The following PAQR8 variants were observed in gnomAD, a reference collection of about 807,000 sequenced individuals.
PAQR8 encodes progestin and adipoQ receptor family member 8, also known as membrane progestin receptor beta.
Under a neutral mutation model 25.2 loss-of-function variants are expected in PAQR8, and 17 were observed. That is an observed-to-expected ratio of 0.67 (90% confidence interval 0.46 to 1.01). PAQR8 has a LOEUF of 1.01. Among genes scored for constraint, PAQR8 ranks in the 50% least tolerant of loss-of-function variants. The pLI is 0.00. For synonymous variants in PAQR8, 204 were observed against 190.6 expected (o/e 1.07, Z -0.58); for missense variants, 392 against 448.4 (o/e 0.87, Z 1.14).
At chr6:52,394,924 C>T (rs1373232252) in intron 1 of PAQR8, among the ~76,000 whole-genome samples, 5 of 150,970 alleles carry the variant, frequency 3.3e-5, no homozygotes, top group African/African-American at 1.2e-4. Flanking sequence ...CCATTTTTCT[C>T]TTTCCATTAA....
intron 1 of PAQR8, among the ~76,000 whole-genome samples, chr6:52,396,255 G>C (rs998392137): frequency 6.6e-6 from 1 of 152,186 alleles, no homozygotes; most frequent in Non-Finnish European, 1.5e-5. Context: ...GTTAAGAAAA[G>C]CTTCCTGGTG....
intron 1 of PAQR8, among the ~76,000 whole-genome samples, chr6:52,379,812 A>G (rs1763536689): frequency 6.6e-6 from 1 of 151,944 alleles, no homozygotes; most frequent in Non-Finnish European, 1.5e-5. Flanking sequence ...TATTTTTAGT[A>G]CAGATGGGGT....
chr6:52,391,917 G>T (rs1271594985), intron 1 of PAQR8, among the ~76,000 whole-genome samples: 1 of 152,150 alleles, frequency 6.6e-6, no homozygotes, highest in African/African-American at 2.4e-5. Flanking sequence ...GATGTCACAG[G>T]ATCTGTTTGT....
At chr6:52,367,700 C>T (rs549606660) in intron 1 of PAQR8, among the ~76,000 whole-genome samples, 4 of 152,180 alleles carry the variant, frequency 2.6e-5, no homozygotes, top group Non-Finnish European at 5.9e-5. Context: ...AGATCAACCA[C>T]GCAAACAGGA....
intron 1 of PAQR8, among the ~76,000 whole-genome samples, chr6:52,374,198 CT>C (rs1763454959): frequency 6.6e-6 from 1 of 152,206 alleles, no homozygotes; most frequent in African/African-American, 2.4e-5. Context: ...AACCTCTTTG[CT>C]TTGTAAATTA....
intron 1 of PAQR8, among the ~76,000 whole-genome samples, chr6:52,388,726 A>G (rs1357410855): frequency 1.3e-5 from 2 of 152,182 alleles, no homozygotes; most frequent in Non-Finnish European, 2.9e-5. Context: ...TCTGTTGTTT[A>G]TAAGCCACCT....
intron 1 of PAQR8, among the ~76,000 whole-genome samples, chr6:52,395,195 C>T (rs1763753034): frequency 6.6e-6 from 1 of 150,720 alleles, no homozygotes; most frequent in African/African-American, 2.4e-5. Context: ...ATTGCTTGAA[C>T]CCGGGAGGCG....
Position 52,405,073 on chromosome 6 carries a change from A to G in PAQR8, c.*795A>G, listed in dbSNP as rs1763892209. Reference sequence around the variant, plus strand: ...GGAGGCCCAGCCAATAAGCATAGATACTATATGGTATCATGGGACCCATCT... The same window carrying G: ...GGAGGCCCAGCCAATAAGCATAGATGCTATATGGTATCATGGGACCCATCT... On this transcript the variant is annotated 3_prime_UTR_variant, in exon 2 of 2. Coordinates refer to ENST00000442253, the MANE Select transcript of PAQR8 (RefSeq NM_133367.5). The G allele has an allele frequency of 6.0e-6, 1 of 167,168 alleles. No individual in the cohort carries two copies. Among genetic ancestry groups the G allele is most frequent in the African/African-American group, 2.4e-5 (1 of 41,454 alleles). The allele number at this position is 167,168 out of a possible 1,614,324, so 10.4% of individuals were successfully genotyped here. A position where few individuals can be genotyped will look rare whatever the true frequency, so the allele number is the denominator to read the frequency against.
At position 52,362,854 on chromosome 6, in the gene PAQR8, G is replaced by T. The variant is rs1220708544; in HGVS notation, c.-53+605G>T. Among the ~76,000 whole-genome samples, 1 of 152,160 alleles carries T rather than the reference G, an allele frequency of 6.6e-6. No individual in the cohort carries two copies. Among genetic ancestry groups the T allele is most frequent in the African/African-American group, 2.4e-5 (1 of 41,428 alleles). On this transcript the variant is annotated intron_variant, in intron 1 of 1. Transcript: ENST00000442253. The surrounding 1 kb of genome is among the most constrained non-coding windows in gnomAD (Gnocchi z 4.1). The stretch of plus-strand genomic sequence containing the variant: ...AGGGTGGGTCTAGGCATGTGCTTTC[G>T]CCGGGGAAAGATGGAGGGGGCTTCT...
At chr6:52,381,327 G>C (rs1763557445) in intron 1 of PAQR8, among the ~76,000 whole-genome samples, 1 of 152,252 alleles carries the variant, frequency 6.6e-6, no homozygotes, top group Non-Finnish European at 1.5e-5. Context: ...CACAGCAATG[G>C]CTGGGTGCGG....
At chr6:52,379,192 A>G (rs1235237523) in intron 1 of PAQR8, among the ~76,000 whole-genome samples, 1 of 152,144 alleles carries the variant, frequency 6.6e-6, no homozygotes, top group Non-Finnish European at 1.5e-5. Flanking sequence ...CCAGTCACAA[A>G]AGGAAAGCAC....
chr6:52,364,211 A>G lies in PAQR8; in HGVS notation c.-53+1962A>G, dbSNP rs929326316. On this transcript the variant is annotated intron_variant, in intron 1 of 1. Transcript: ENST00000442253. Reference sequence around the variant, plus strand: ...ATAAACAAGGATTATTTTGGCAACTAGCATTTGTTGGGTCTGTTTTTAATT... The same window carrying G: ...ATAAACAAGGATTATTTTGGCAACTGGCATTTGTTGGGTCTGTTTTTAATT... Among the ~76,000 whole-genome samples, 3 of 147,580 alleles carry G rather than the reference A, an allele frequency of 2.0e-5. No homozygotes were observed. In the East Asian group the frequency reaches 6.1e-4, roughly 30 times the overall value.
intron 1 of PAQR8, among the ~76,000 whole-genome samples, chr6:52,397,429 C>T (rs1296641806): frequency 2.0e-5 from 3 of 152,290 alleles, no homozygotes; most frequent in African/African-American, 2.4e-5. Flanking sequence ...CAGGATACTC[C>T]GAGTTTGTTC....
rs1183509859 is a variant in PAQR8, at chr6:52,405,741, A to C, written c.*1463A>C. ...CTCCGAGTTTACTTTATTGTCTTCAAATCTTTTGTTTTCTTCCTTTTTGTG... is the reference window on the plus strand; with the variant it reads ...CTCCGAGTTTACTTTATTGTCTTCACATCTTTTGTTTTCTTCCTTTTTGTG... On this transcript the variant is annotated 3_prime_UTR_variant, in exon 2 of 2. Transcript: ENST00000442253. 1 of 164,348 alleles carries C rather than the reference A, an allele frequency of 6.1e-6. No individual in the cohort carries two copies. The highest frequency in any genetic ancestry group is 2.4e-5 in the African/African-American group (1 of 40,876). The allele number at this position is 164,348 out of a possible 1,614,324, so 10.2% of individuals were successfully genotyped here.
chr6:52,392,479 A>T (rs1317569732), intron 1 of PAQR8, among the ~76,000 whole-genome samples: 1 of 152,192 alleles, frequency 6.6e-6, no homozygotes, highest in Non-Finnish European at 1.5e-5. Context: ...TCCTTGTAAT[A>T]GGTCAGGAAA....
intron 1 of PAQR8, among the ~76,000 whole-genome samples, chr6:52,401,800 A>G (rs116658817): frequency 0.011 from 1,694 of 152,314 alleles, 25 homozygotes; most frequent in African/African-American, 0.033. Flanking sequence ...TGGATAGTTT[A>G]AGATTAGGTA....
Position 52,404,373 on chromosome 6 carries a change from A to C in PAQR8, c.*95A>C. 1 of 1,122,500 alleles carries C rather than the reference A, an allele frequency of 8.9e-7. No homozygotes were observed. The highest frequency in any genetic ancestry group is 1.3e-6 in the Non-Finnish European group (1 of 799,884). The allele number at this position is 1,122,500 out of a possible 1,614,324, so 69.5% of individuals were successfully genotyped here. A position where few individuals can be genotyped will look rare whatever the true frequency, so the allele number is the denominator to read the frequency against. On this transcript the variant is annotated 3_prime_UTR_variant, in exon 2 of 2. Transcript: ENST00000442253. ...TGACTTTTAAGGCATTGGCTTTTAAATTAATACATATATCCAAGGATATGT... is the reference window on the plus strand; with the variant it reads ...TGACTTTTAAGGCATTGGCTTTTAACTTAATACATATATCCAAGGATATGT...
chr6:52,390,031 A>G (rs1763681827), intron 1 of PAQR8, among the ~76,000 whole-genome samples: 2 of 152,352 alleles, frequency 1.3e-5, no homozygotes, highest in South Asian at 4.2e-4. Flanking sequence ...TGGGAGTTTC[A>G]GACAGCAAAG....
At chr6:52,377,392 C>T (rs1011879634) in intron 1 of PAQR8, among the ~76,000 whole-genome samples, 1 of 152,088 alleles carries the variant, frequency 6.6e-6, no homozygotes, top group African/African-American at 2.4e-5. Context: ...TGCTTTCCAG[C>T]CCACTTTGCC....
Sources: allele counts gnomAD v4.1 joint callset (sites outside exome capture counted in the v4.1 genomes callset), GRCh38; gene constraint gnomAD v4.1.1; non-coding constraint Gnocchi (gnomAD v3.1); transcripts MANE v1.5; gene names NCBI Gene and HGNC (gene_info 2026-07-23, HGNC 2026-07-21).